Variants in RANBP2 observed in about 807,000 individuals in gnomAD.
RANBP2 encodes RAN binding protein 2.
Under a neutral mutation model 303.6 loss-of-function variants are expected in RANBP2, and 57 were observed. The observed-to-expected ratio is 0.19, with a 90% CI of 0.15 to 0.23. RANBP2 has a LOEUF of 0.23. RANBP2 is among the 10% of genes least tolerant of loss of function. The pLI, the probability that RANBP2 is intolerant of heterozygous loss-of-function variation, is 1.00. For synonymous variants in RANBP2, 1,167 were observed against 1,301.5 expected (o/e 0.90, Z 2.23); for missense variants, 3,138 against 3,780.8 (o/e 0.83, Z 4.46).
chr2:108,897,052 A>G, the RANBP2 span: 1 of 1,614,162 alleles, frequency 6.2e-7, no homozygotes, highest in Non-Finnish European at 8.5e-7. Context: ...TGCCGTGCTG[A>G]TGCGGTCAAA....
chr2:108,930,314 G>A, the RANBP2 span: 1 of 1,603,938 alleles, frequency 6.2e-7, no homozygotes, highest in South Asian at 1.1e-5. Context: ...AAGACCCCAA[G>A]GTTGACATAG....
chr2:109,436,815 C>G, the RANBP2 span: 1 of 1,530,522 alleles, frequency 6.5e-7, no homozygotes, highest in Admixed American at 1.9e-5. Flanking sequence ...CAGGTCAGAG[C>G]GAGGCTCTGC....
At chr2:109,415,570 C>T in the RANBP2 span, among the ~76,000 whole-genome samples, 1 of 152,164 alleles carries the variant, frequency 6.6e-6, no homozygotes, top group East Asian at 1.9e-4. Flanking sequence ...CCTCGCACTT[C>T]CTGATGGGTT....
chr2:109,229,802 AT>A, the RANBP2 span, among the ~76,000 whole-genome samples: 4 of 147,792 alleles, frequency 2.7e-5, no homozygotes, highest in African/African-American at 5.0e-5. Context: ...ATGTGTTTAG[AT>A]TTTTTTTCTT....
At chr2:109,564,224 A>G in the RANBP2 span, 14 of 716,866 alleles carry the variant, frequency 2.0e-5, no homozygotes, top group Non-Finnish European at 2.6e-5. Flanking sequence ...CAAGAAGCAC[A>G]ATAATTAGTC....
chr2:109,526,078 G>A, the RANBP2 span, among the ~76,000 whole-genome samples: 7 of 152,126 alleles, frequency 4.6e-5, no homozygotes, highest in African/African-American at 1.7e-4. Flanking sequence ...CCTGACACAC[G>A]CCCACAGGTG....
the RANBP2 span, among the ~76,000 whole-genome samples, chr2:109,089,336 C>T: frequency 5.3e-5 from 8 of 152,048 alleles, no homozygotes; most frequent in African/African-American, 1.9e-4. Flanking sequence ...GGTGCAGTGG[C>T]TCATGCCTGT....
the RANBP2 span, among the ~76,000 whole-genome samples, chr2:109,419,834 C>T: frequency 6.6e-6 from 1 of 152,222 alleles, no homozygotes; most frequent in Non-Finnish European, 1.5e-5. Flanking sequence ...CTTCTGATGT[C>T]GTTGTTTCTA....
the RANBP2 span, among the ~76,000 whole-genome samples, chr2:109,188,880 G>A: frequency 6.6e-6 from 1 of 152,076 alleles, no homozygotes; most frequent in South Asian, 2.1e-4. Context: ...TCGCTTTGCC[G>A]GGGCATTGTG....
At chr2:109,065,535 A>T in the RANBP2 span, among the ~76,000 whole-genome samples, 1 of 152,198 alleles carries the variant, frequency 6.6e-6, no homozygotes, top group Non-Finnish European at 1.5e-5. Context: ...CGCAGCCCCA[A>T]GTGTCAGGGA....
chr2:108,820,699 C>CAAAAAAAAAAAAAAAAAAAA, the RANBP2 span, among the ~76,000 whole-genome samples: 1 of 62,588 alleles, frequency 1.6e-5, no homozygotes, highest in African/African-American at 5.3e-5. Flanking sequence ...ATTCAAAGTG[C>CAAAAAAAAAAAAAAAAAAAA]AAAAAAAAAA....
rs752987161 is a variant in RANBP2 at position 108,763,562 on chromosome 2, A to G, written c.3023A>G (p.Gln1008Arg). The change falls in exon 20 of 29, where the codon CAG becomes CGG. Residue 1008 changes from glutamine (Q) to arginine (R), a missense_variant. Physicochemically the swap from Gln to Arg is conservative, Grantham distance 43. Around this residue, in one of 20 missense-constraint regions of RANBP2, gnomAD observed 403 missense variants for 376.7 expected, o/e 1.07. Transcript: ENST00000283195. ...TIEFGKTNFV[Q>R]PMPGEGLRPS... ...GAATTTGGGAAAACTAATTTTGTTC[A>G]GCCCATGCCGGGTGAAGGATTAAGG... 1 of 1,614,168 alleles carries G rather than the reference A, an allele frequency of 6.2e-7. No homozygotes were observed. The highest frequency in any genetic ancestry group is 1.1e-5 in the South Asian group (1 of 91,088).
chr2:109,290,700 C>G, the RANBP2 span, among the ~76,000 whole-genome samples: 6 of 152,226 alleles, frequency 3.9e-5, no homozygotes, highest in Non-Finnish European at 8.8e-5. Flanking sequence ...CCAGACCTGA[C>G]TGCTGCACCT....
At position 108,782,335 on chromosome 2, in the gene RANBP2, A is replaced by C; in HGVS notation, c.8968A>C (p.Thr2990Pro). 6.2e-7 allele frequency: 1 copy of C among 1,614,210 alleles called. No homozygotes were observed. The highest frequency in any genetic ancestry group is 8.5e-7 in the Non-Finnish European group (1 of 1,180,038). ...GTGTGCAAACCACGTTATTACTAAA[A>C]CAATGGAATTAAAGCCCTTAAATGT... is the stretch of plus-strand genomic sequence containing the variant. ...KVCANHVITK[T>P]MELKPLNVSN... Residue 2990 changes from threonine (T) to proline (P), a missense_variant, in exon 27 of 29, where the codon ACA becomes CCA. Thr to Pro is a conservative substitution (Grantham distance 38, BLOSUM62 -1). Transcript: ENST00000283195.
At chr2:109,464,239 A>T in the RANBP2 span, among the ~76,000 whole-genome samples, 1 of 151,896 alleles carries the variant, frequency 6.6e-6, no homozygotes, top group Non-Finnish European at 1.5e-5. Context: ...AAATCTACAG[A>T]GTCTACACAC....
the RANBP2 span, chr2:108,912,891 T>C: frequency 2.6e-6 from 2 of 755,150 alleles, no homozygotes; most frequent in Non-Finnish European, 4.6e-6. Flanking sequence ...TGAGGGGAGC[T>C]AAATATTTGT....
chr2:109,252,108 G>C, the RANBP2 span, among the ~76,000 whole-genome samples: 1 of 152,032 alleles, frequency 6.6e-6, no homozygotes, highest in Non-Finnish European at 1.5e-5. Flanking sequence ...GCTGAGTGGG[G>C]TGTCACAGGC....
the RANBP2 span, among the ~76,000 whole-genome samples, chr2:109,009,701 C>A: frequency 0.35 from 33,597 of 96,042 alleles, 5,036 homozygotes; most frequent in African/African-American, 0.55. Flanking sequence ...GACATTTTTA[C>A]CTTTTTTTTG....
the RANBP2 span, among the ~76,000 whole-genome samples, chr2:108,979,885 G>C: frequency 6.6e-6 from 1 of 152,192 alleles, no homozygotes; most frequent in Non-Finnish European, 1.5e-5. Flanking sequence ...GGGTAGGGGG[G>C]ACACCTGGCA....
Sources: gnomAD v4.1 joint callset for allele counts (sites outside exome capture counted in the v4.1 genomes callset) on GRCh38, gnomAD v4.1.1 for gene constraint, gnomAD v4.1.1 regional missense constraint, MANE v1.5 for transcripts, NCBI Gene and HGNC (gene_info 2026-07-23, HGNC 2026-07-21) for gene names.